The following ADAMTSL3 variants were observed in gnomAD, a reference collection of about 807,000 sequenced individuals.
ADAMTSL3 encodes ADAMTS like 3.
Under a neutral mutation model 201.7 loss-of-function variants are expected in ADAMTSL3, and 128 were observed. The observed-to-expected ratio is 0.63, with a 90% CI of 0.55 to 0.73. ADAMTSL3 has a LOEUF of 0.73. Ranked by LOEUF, ADAMTSL3 falls within the 30% of genes least tolerant of loss-of-function variation. ADAMTSL3 has a pLI of 0.00. For synonymous variants in ADAMTSL3, 738 were observed against 748.4 expected (o/e 0.99, Z 0.23); for missense variants, 1,990 against 2,119.6 (o/e 0.94, Z 1.20).
At position 83,990,294 on chromosome 15, in the gene ADAMTSL3, G is replaced by C. The variant is rs530050813; in HGVS notation, c.3845-792G>C. ...AGCTTTGAATGAGCTCTGAACCGTG[G>C]TTACATCCTGGCATCCACATGTCAG... On this transcript the variant is annotated intron_variant, in intron 22 of 29. Transcript: ENST00000286744. Among the ~76,000 whole-genome samples the C allele has an allele frequency of 9.9e-5, 15 of 152,246 alleles. No homozygotes were observed. In the East Asian group the frequency reaches 2.1e-3, roughly 22 times the overall value.
At chr15:84,037,076 A>T in intron 29 of ADAMTSL3, 89 bp downstream of exon 29, 1 of 1,340,304 alleles carries the variant, frequency 7.5e-7, no homozygotes, top group East Asian at 2.4e-5. Context: ...AAACCCTGCT[A>T]GTGATTACCT....
chr15:84,017,334 A>G (rs147492140), intron 25 of ADAMTSL3, among the ~76,000 whole-genome samples: 4,883 of 152,126 alleles, frequency 0.032, 179 homozygotes, highest in African/African-American at 0.091. Context: ...AGCCAGGATG[A>G]TCTCGATCTC....
chr15:83,909,959 C>A (rs929334187), intron 15 of ADAMTSL3, among the ~76,000 whole-genome samples: 6 of 152,212 alleles, frequency 3.9e-5, no homozygotes, highest in Admixed American at 3.3e-4. Flanking sequence ...CCCAGTCCCA[C>A]TCAAGATCCA....
At chr15:83,845,835 T>C (rs1277280642) in intron 7 of ADAMTSL3, among the ~76,000 whole-genome samples, 1 of 152,200 alleles carries the variant, frequency 6.6e-6, no homozygotes, top group Non-Finnish European at 1.5e-5. Context: ...AACTGCTACT[T>C]GGTTGCCTTT....
At chr15:83,953,634 G>T (rs143230576) in intron 19 of ADAMTSL3, among the ~76,000 whole-genome samples, 1,553 of 152,134 alleles carry the variant, frequency 0.01, 23 homozygotes, top group African/African-American at 0.036. Context: ...AGTGAGTTTT[G>T]TACCTTCAGG....
At chr15:84,007,093 G>T (rs1263145360) in intron 23 of ADAMTSL3, among the ~76,000 whole-genome samples, 1 of 152,158 alleles carries the variant, frequency 6.6e-6, no homozygotes, top group East Asian at 1.9e-4. Flanking sequence ...CCTGTACTCT[G>T]GTGTGGTCCT....
intron 4 of ADAMTSL3, among the ~76,000 whole-genome samples, chr15:83,786,234 T>A (rs2063260502): frequency 6.6e-6 from 1 of 152,150 alleles, no homozygotes; most frequent in African/African-American, 2.4e-5. Flanking sequence ...TCCTCAGACT[T>A]CCAAAGTGTT....
intron 20 of ADAMTSL3, among the ~76,000 whole-genome samples, chr15:83,980,746 T>C (rs1179417326): frequency 6.6e-6 from 1 of 152,200 alleles, no homozygotes; most frequent in Non-Finnish European, 1.5e-5. Flanking sequence ...GAACATTCTC[T>C]ACCACAGAAA....
In ADAMTSL3 at chr15:83,942,657, G is replaced by T. The variant is rs1181684664; in HGVS notation, c.2179G>T (p.Asp727Tyr). The T allele has an allele frequency of 6.2e-7, 1 of 1,614,146 alleles. No homozygotes were observed. The highest frequency in any genetic ancestry group is 8.5e-7 in the Non-Finnish European group (1 of 1,179,986). Residue 727 changes from aspartate to tyrosine, a missense_variant, in exon 18 of 30, where the codon GAT (aspartate) becomes TAT (tyrosine). Coordinates refer to ENST00000286744, the MANE Select transcript of ADAMTSL3 (RefSeq NM_207517.3). ...ATCGVGIQTR[D>Y]VYCLHPGETP... ...CTGTGGAGTTGGAATTCAGACCCGA[G>T]ATGTGTACTGCCTGCACCCAGGGGA...
Position 83,872,684 on chromosome 15 carries a change from A to AATGC in ADAMTSL3, c.960+1725_960+1726insATGC, listed in dbSNP as rs1331621289. 3.3e-3 allele frequency among the ~76,000 whole-genome samples: 371 copies of AATGC among 111,380 alleles called. 8 individuals are homozygous for AATGC. Among genetic ancestry groups the AATGC allele is most frequent in the East Asian group, 0.012 (30 of 2,440 alleles). 73.1% of individuals were successfully genotyped at this position (111,380 alleles called of 152,430 possible). On this transcript the variant is annotated intron_variant, in intron 9 of 29. Transcript: ENST00000286744. ...GAGAATCTGTATTCTTCTCAAGTCA[A>AATGC]CTTGGAGGTCCTTGACTGAATAGGA... is the stretch of plus-strand genomic sequence containing the variant.
intron 2 of ADAMTSL3, among the ~76,000 whole-genome samples, chr15:83,701,607 G>A (rs938405627): frequency 6.6e-6 from 1 of 152,150 alleles, no homozygotes. Context: ...TGTTCTCATG[G>A]CAGTGAATAA....
At chr15:83,797,281 A>C (rs2141841151) in intron 4 of ADAMTSL3, among the ~76,000 whole-genome samples, 1 of 152,316 alleles carries the variant, frequency 6.6e-6, no homozygotes, top group African/African-American at 2.4e-5. Flanking sequence ...TAAAAAACAA[A>C]TGAGAATTAT....
intron 6 of ADAMTSL3, among the ~76,000 whole-genome samples, chr15:83,832,526 G>A (rs940193582): frequency 2.6e-5 from 4 of 152,190 alleles, no homozygotes; most frequent in Admixed American, 6.5e-5. Context: ...CCTCGGAAGT[G>A]ACTTAGACAC....
At chr15:83,758,337 T>C (rs1176000762) in intron 3 of ADAMTSL3, among the ~76,000 whole-genome samples, 1 of 152,170 alleles carries the variant, frequency 6.6e-6, no homozygotes, top group Non-Finnish European at 1.5e-5. Context: ...AAAGAGAGAA[T>C]GTGTGCGGGG....
At chr15:83,903,935 A>AGG (rs1567226064) in intron 15 of ADAMTSL3, among the ~76,000 whole-genome samples, 15 of 60,768 alleles carry the variant, frequency 2.5e-4, no homozygotes, top group Non-Finnish European at 3.1e-4. Flanking sequence ...AAAAAAAAAA[A>AGG]AAAAAAAAAG....
chr15:83,945,811 ACCTAAGG>A (rs1251953349), intron 19 of ADAMTSL3: 6 of 152,186 alleles, frequency 3.9e-5, no homozygotes, highest in African/African-American at 1.4e-4. Context: ...TCCCACCCAG[ACCTAAGG>A]AATCAGAGTC....
chr15:83,892,863 A>G lies in ADAMTSL3; in HGVS notation c.1442A>G (p.Lys481Arg), dbSNP rs746024968. 12 of 1,614,122 alleles carry G rather than the reference A, an allele frequency of 7.4e-6. No homozygotes were observed. Among genetic ancestry groups the G allele is most frequent in the Non-Finnish European group, 8.5e-6 (10 of 1,180,018 alleles). ...MQTCNLFDCPKWIAMEWSQCT... is the reference protein window; with the variant it reads ...MQTCNLFDCPRWIAMEWSQCT... ...ACTTGTAATCTGTTTGATTGCCCCA[A>G]GTGGATTGCCATGGAGTGGTCTCAG... Residue 481 changes from lysine to arginine, a missense_variant, in exon 13 of 30, where the codon AAG becomes AGG. Transcript: ENST00000286744.
intron 25 of ADAMTSL3, 46 bp from the exon 26 acceptor site, chr15:84,021,364 C>T (rs781110581): frequency 1.2e-6 from 2 of 1,607,742 alleles, no homozygotes; most frequent in Admixed American, 3.4e-5. Context: ...AGCTCGTCGT[C>T]ATTTCTCTTT....
At chr15:83,753,011 A>G (rs554158515) in intron 3 of ADAMTSL3, among the ~76,000 whole-genome samples, 20 of 152,270 alleles carry the variant, frequency 1.3e-4, no homozygotes, top group African/African-American at 4.6e-4. Context: ...CCTGCTTGCA[A>G]TCATGAGTTT....
Sources: allele counts gnomAD v4.1 joint callset (sites outside exome capture counted in the v4.1 genomes callset), GRCh38; gene constraint gnomAD v4.1.1; transcripts MANE v1.5; gene names NCBI Gene and HGNC (gene_info 2026-07-23, HGNC 2026-07-21).